Variants in ARMCX4 observed in about 807,000 individuals in gnomAD.
ARMCX4 encodes the protein armadillo repeat-containing X-linked protein 4.
Under a neutral mutation model 34.7 loss-of-function variants are expected in ARMCX4, and 3 were observed. That is an observed-to-expected ratio of 0.09 (90% CI 0.04 to 0.22). The LOEUF (loss-of-function observed/expected upper bound fraction) is 0.22, where lower values mean the gene tolerates loss of function less well. Ranked by LOEUF, ARMCX4 falls within the 10% of genes least tolerant of loss-of-function variation. ARMCX4 has a pLI of 1.00. For synonymous variants in ARMCX4, 513 were observed against 632.8 expected, an observed-to-expected ratio of 0.81 and a Z score of 2.84; for missense variants, 1,448 against 1,720.8, an observed-to-expected ratio of 0.84 and a Z score of 2.81.
At chrX:101,462,195 G>A (rs782021779) in intron 4 of ARMCX4, among the ~76,000 whole-genome samples, 23 of 111,709 alleles carry the variant, frequency 2.1e-4, no homozygotes, top group African/African-American at 3.2e-4. Context: ...AGTAAATTAC[G>A]TGTACATAAA....
chrX:101,525,143 T>C (rs1446586639), intron 11 of ARMCX4, among the ~76,000 whole-genome samples: 1 of 111,930 alleles, frequency 8.9e-6, no homozygotes, highest in Non-Finnish European at 1.9e-5. Flanking sequence ...CAATATTTGC[T>C]GTTCTGCCAC....
At chrX:101,503,578 T>C (rs781900625) in intron 7 of ARMCX4, among the ~76,000 whole-genome samples, 54 of 112,540 alleles carry the variant, frequency 4.8e-4, no homozygotes, top group African/African-American at 1.5e-3. Flanking sequence ...CCTGCATAAA[T>C]GTCTTCTTTT....
exon 8 of ARMCX4, chrX:101,505,325 C>T (rs1258409410): frequency 9.0e-6 from 1 of 111,085 alleles, no homozygotes; most frequent in Non-Finnish European, 1.9e-5. Context: ...GATGTGACTG[C>T]CCAGTCTTGA....
At chrX:101,449,711 T>C, downstream of ARMCX4, among the ~76,000 whole-genome samples, 1 of 112,418 alleles carries the variant, frequency 8.9e-6, no homozygotes, top group Non-Finnish European at 1.9e-5. Flanking sequence ...AATTGGTGCC[T>C]GGTGCCTTAT....
intron 3 of ARMCX4, 67 bp downstream of exon 3, chrX:101,487,339 T>G: frequency 6.7e-6 from 1 of 149,605 alleles, no homozygotes. Flanking sequence ...GTGGGTGAGA[T>G]TTAAGAGGGT....
At chrX:101,504,669 G>T (rs1556014715) in intron 7 of ARMCX4, among the ~76,000 whole-genome samples, 3 of 111,332 alleles carry the variant, frequency 2.7e-5, no homozygotes, top group African/African-American at 9.8e-5. Flanking sequence ...CTCTAGTGTT[G>T]TTGTAGTAGT....
intron 7 of ARMCX4, among the ~76,000 whole-genome samples, chrX:101,504,452 T>A (rs60110209): frequency 0.05 from 4,175 of 82,696 alleles, 230 homozygotes; most frequent in African/African-American, 0.17. Flanking sequence ...TGTGTGTGTG[T>A]GAGAGAGAGA....
Position 101,495,664 on chromosome X carries a change from T to C in ARMCX4, c.*202T>C, listed in dbSNP as rs1934161107. ...TTTTTATCTTGTCTGGATTGAGATA[T>C]TTTTAGTATGCTTCATGAGCAGAAA... On this transcript the variant is annotated 3_prime_UTR_variant, in exon 6 of 6. Transcript: ENST00000423738. The C allele has an allele frequency of 2.9e-6, 1 of 349,737 alleles. No individual in the cohort carries two copies. Among genetic ancestry groups the C allele is most frequent in the Non-Finnish European group, 4.7e-6 (1 of 210,649 alleles). The allele number at this position is 349,737 out of a possible 1,213,427, so 28.8% of individuals were successfully genotyped here.
At position 101,443,760 on chromosome X, in the gene ARMCX4, C is replaced by T. The variant is rs782335367; in HGVS notation, n.165-292C>T. 31 of 305,262 alleles carry T rather than the reference C, an allele frequency of 1.0e-4. No individual in the cohort carries two copies. The East Asian group carries it at 2.1e-3, about 21-fold the overall frequency. The allele number at this position is 305,262 out of a possible 1,213,427, so 25.2% of individuals were successfully genotyped here. ...CTCCCAAAGTGCTCCATGGCTTCCA[C>T]GATATTCATGCCCTGTTTCCCCTTG... On this transcript the variant is annotated intron_variant and non_coding_transcript_variant, in intron 2 of 3. Coordinates refer to the ARMCX4 transcript ENST00000430461.
chrX:101,534,109 A>T (rs1935178602), downstream of ARMCX4, among the ~76,000 whole-genome samples: 1 of 112,281 alleles, frequency 8.9e-6, no homozygotes, highest in African/African-American at 3.2e-5. Flanking sequence ...CTTTTGAATA[A>T]ACTTAACAAA....
intron 11 of ARMCX4, among the ~76,000 whole-genome samples, chrX:101,515,179 T>A (rs2147706567): frequency 9.0e-6 from 1 of 111,370 alleles, no homozygotes; most frequent in Non-Finnish European, 1.9e-5. Flanking sequence ...CTTGTTAGTT[T>A]GACAAAAAAT....
At chrX:101,501,348 G>C (rs1176175429) in intron 7 of ARMCX4, among the ~76,000 whole-genome samples, 1 of 113,146 alleles carries the variant, frequency 8.8e-6, no homozygotes, top group Non-Finnish European at 1.9e-5. Context: ...TAGCCCGGGA[G>C]GGTTCTTGGC....
At chrX:101,443,957 A>G in intron 2 of ARMCX4, 1 of 379,063 alleles carries the variant, frequency 2.6e-6, no homozygotes, top group South Asian at 2.6e-5. Context: ...ATTGCCATCA[A>G]CTATTAAGGC....
At chrX:101,516,689 C>T (rs1934751189) in intron 11 of ARMCX4, 1 of 111,224 alleles carries the variant, frequency 9.0e-6, no homozygotes, top group Non-Finnish European at 1.9e-5. Flanking sequence ...CCAGGACACA[C>T]ACCCCTCCTG....
In ARMCX4 at chrX:101,491,342, G is replaced by A. The variant is rs782097496; in HGVS notation, c.2753G>A (p.Arg918His). 1.8e-5 allele frequency: 21 copies of A among 1,156,001 alleles called. No individual in the cohort carries two copies. The highest frequency in any genetic ancestry group is 2.6e-5 in the Admixed American group (1 of 38,805). ...AQPQVVANSQ[R>H]ETLPGARNKV... Reference sequence around the variant, plus strand: ...CCTCAGGTTGTGGCCAACTCCCAGCGTGAGACCTTGCCTGGTGCCAGGAAT... The same window carrying A: ...CCTCAGGTTGTGGCCAACTCCCAGCATGAGACCTTGCCTGGTGCCAGGAAT... Residue 918 changes from arginine (R) to histidine (H), a missense_variant, in exon 6 of 6, where the codon CGT (arginine) becomes CAT (histidine). Arg to His is a conservative substitution (Grantham distance 29). This residue lies in a region of ARMCX4 where 1,343 missense variants were observed against 1,540.7 expected (regional missense o/e 0.87). Transcript: ENST00000423738.
At chrX:101,480,426 C>T (rs1008539209) in intron 4 of ARMCX4, among the ~76,000 whole-genome samples, 4 of 110,397 alleles carry the variant, frequency 3.6e-5, no homozygotes, top group Non-Finnish European at 7.6e-5. Flanking sequence ...ATTAGCTGGG[C>T]GTGGTGCCAT....
At chrX:101,474,701 A>C (rs1405613866) in intron 4 of ARMCX4, among the ~76,000 whole-genome samples, 1 of 101,304 alleles carries the variant, frequency 9.9e-6, no homozygotes, top group Non-Finnish European at 2.0e-5. Flanking sequence ...AGAGCCAAAA[A>C]CAAAAACCAC....
At chrX:101,466,271 G>T (rs1932789791) in intron 4 of ARMCX4, among the ~76,000 whole-genome samples, 3 of 112,090 alleles carry the variant, frequency 2.7e-5, no homozygotes, top group Admixed American at 9.5e-5. Context: ...GGAGCAACTG[G>T]AACTCTCATA....
chrX:101,507,554 T>C (rs183040019), intron 8 of ARMCX4, among the ~76,000 whole-genome samples: 48 of 111,680 alleles, frequency 4.3e-4, no homozygotes, highest in South Asian at 1.9e-3. Flanking sequence ...CTTGTCATCA[T>C]AGTGGAATTT....
Sources: allele counts gnomAD v4.1 joint callset (sites outside exome capture counted in the v4.1 genomes callset), GRCh38; gene constraint gnomAD v4.1.1; regional missense constraint gnomAD v4.1.1; transcripts MANE v1.5; gene names NCBI Gene and HGNC (gene_info 2026-07-23, HGNC 2026-07-21).